Variants in GALNT8 observed in about 807,000 individuals in gnomAD.
GALNT8 encodes the protein polypeptide N-acetylgalactosaminyltransferase 8, also known as probable polypeptide N-acetylgalactosaminyltransferase 8.
Under a neutral mutation model 62.7 loss-of-function variants are expected in GALNT8, and 66 were observed. That is an observed-to-expected ratio of 1.05 (90% confidence interval 0.86 to 1.29). The LOEUF is 1.29. Among genes scored for constraint, GALNT8 ranks in the 50% most tolerant of loss-of-function variants. The pLI is 0.00. For missense variants in GALNT8, 771 were observed against 791.8 expected (o/e 0.97, Z 0.32); for synonymous variants, 288 against 294.3 (o/e 0.98, Z 0.22).
intron 6 of GALNT8, 53 bp downstream of exon 6, chr12:4,746,311 A>G: frequency 2.0e-6 from 2 of 997,476 alleles, no homozygotes; most frequent in Non-Finnish European, 3.2e-6. Context: ...GGAATAATAG[A>G]AAGGTAGTAG....
chr12:4,764,436 C>T (rs939677150), intron 9 of GALNT8, among the ~76,000 whole-genome samples: 1 of 150,950 alleles, frequency 6.6e-6, no homozygotes, highest in African/African-American at 2.4e-5. Flanking sequence ...TCTCCTATAG[C>T]GAAGGAAGCA....
intron 2 of GALNT8, among the ~76,000 whole-genome samples, chr12:4,727,577 G>C (rs1946202128): frequency 6.6e-6 from 1 of 152,000 alleles, no homozygotes; most frequent in African/African-American, 2.4e-5. Context: ...GGATTTGTCT[G>C]TTCCGGACCT....
At chr12:4,758,431 A>G (rs1277366748) in intron 6 of GALNT8, among the ~76,000 whole-genome samples, 1 of 152,152 alleles carries the variant, frequency 6.6e-6, no homozygotes, top group African/African-American at 2.4e-5. Flanking sequence ...ACTGTGCCAG[A>G]ACTGAACATG....
rs571678250 is a variant in GALNT8, at chr12:4,741,682, A to C, written c.676+2353A>C. ...TTTTTTCCTGTGGAACAATGCAATA[A>C]AAAAATACAAGATTACAAACACGGG... On this transcript the variant is annotated intron_variant, in intron 3 of 10. Coordinates refer to ENST00000252318, the MANE Select transcript of GALNT8 (RefSeq NM_017417.2). Among the ~76,000 whole-genome samples, 5 of 152,336 alleles carry C rather than the reference A, an allele frequency of 3.3e-5. No homozygotes were observed. In the South Asian group the frequency reaches 1.0e-3, roughly 32 times the overall value.
intron 6 of GALNT8, among the ~76,000 whole-genome samples, chr12:4,759,481 G>A (rs1352898959): frequency 1.3e-5 from 2 of 149,468 alleles, no homozygotes; most frequent in East Asian, 4.0e-4. Flanking sequence ...CACTCTAGCT[G>A]CCAGGTGTGC....
At chr12:4,729,898 A>G (rs1452181958) in intron 2 of GALNT8, among the ~76,000 whole-genome samples, 1 of 151,956 alleles carries the variant, frequency 6.6e-6, no homozygotes, top group African/African-American at 2.4e-5. Context: ...GTTATCTTTT[A>G]TTTTTTGATA....
At chr12:4,739,531 G>A (rs921200601) in intron 3 of GALNT8, among the ~76,000 whole-genome samples, 1 of 152,130 alleles carries the variant, frequency 6.6e-6, no homozygotes, top group Non-Finnish European at 1.5e-5. Flanking sequence ...TCTCTACATG[G>A]ATGAGGAAAC....
chr12:4,747,545 C>T (rs546926985), intron 6 of GALNT8, among the ~76,000 whole-genome samples: 41 of 152,158 alleles, frequency 2.7e-4, no homozygotes, highest in East Asian at 5.8e-4. Context: ...TTGCAAGTGA[C>T]GGCCTCATTC....
chr12:4,744,532 A>C lies in GALNT8; in HGVS notation c.692A>C (p.His231Pro). Residue 231 changes from histidine to proline, a missense_variant, in exon 4 of 11, where the codon CAC becomes CCC. Physicochemically the swap from His to Pro is moderately conservative, Grantham distance 77. Coordinates refer to ENST00000252318, the MANE Select transcript of GALNT8 (RefSeq NM_017417.2). Reference protein sequence around the residue: ...DFSSNGELKVHLDEKIKLYNQ... With the variant: ...DFSSNGELKVPLDEKIKLYNQ... The stretch of plus-strand genomic sequence containing the variant: ...TGATTGACAGGAGAACTAAAGGTAC[A>C]CTTGGATGAGAAGATTAAGCTTTAC... 1 of 1,609,548 alleles carries C rather than the reference A, an allele frequency of 6.2e-7. No individual in the cohort carries two copies. The highest frequency in any genetic ancestry group is 8.5e-7 in the Non-Finnish European group (1 of 1,177,370).
intron 2 of GALNT8, among the ~76,000 whole-genome samples, chr12:4,728,461 A>ACAC (rs1946206206): frequency 3.3e-5 from 5 of 152,108 alleles, no homozygotes; most frequent in African/African-American, 9.7e-5. Context: ...GCAAAGGTTT[A>ACAC]CACCCATGTT....
At chr12:4,758,454 C>T (rs7132030) in intron 6 of GALNT8, among the ~76,000 whole-genome samples, 58,620 of 151,912 alleles carry the variant, frequency 0.39, 11,566 homozygotes, top group Admixed American at 0.44. Context: ...ACTTCCTGGG[C>T]TCACAATGCA....
At chr12:4,740,164 C>T (rs1450845954) in intron 3 of GALNT8, among the ~76,000 whole-genome samples, 1 of 152,150 alleles carries the variant, frequency 6.6e-6, no homozygotes, top group East Asian at 1.9e-4. Flanking sequence ...CCACAGGGTG[C>T]CCGTGCCCCG....
At chr12:4,737,869 C>T (rs1295555762) in intron 2 of GALNT8, among the ~76,000 whole-genome samples, 1 of 152,138 alleles carries the variant, frequency 6.6e-6, no homozygotes, top group Non-Finnish European at 1.5e-5. Context: ...GCATGAAGCC[C>T]CTCACCAGAG....
intron 10 of GALNT8, among the ~76,000 whole-genome samples, chr12:4,767,960 C>T (rs539731601): frequency 1.3e-5 from 2 of 152,216 alleles, no homozygotes; most frequent in African/African-American, 4.8e-5. Flanking sequence ...ATAAGCCTAA[C>T]AAGTTTTGAC....
intron 1 of GALNT8, among the ~76,000 whole-genome samples, chr12:4,725,622 C>T (rs1228086857): frequency 7.2e-6 from 1 of 139,002 alleles, no homozygotes; most frequent in Non-Finnish European, 1.5e-5. Context: ...GTGGCACAAT[C>T]TCGGCTCACT....
chr12:4,772,438 C>T lies in GALNT8; in HGVS notation c.1762-7C>T. The T allele has an allele frequency of 5.0e-6, 8 of 1,612,816 alleles. No homozygotes were observed. Among genetic ancestry groups the T allele is most frequent in the Non-Finnish European group, 5.9e-6 (7 of 1,179,478 alleles). On this transcript the variant is annotated splice_region_variant and splice_polypyrimidine_tract_variant and intron_variant, in intron 10 of 10. Transcript: ENST00000252318. ...AGCACCTTGGCTCTGTCTCTCTTCC[C>T]CTCCAGGGAGGAGCTGTCATAAACA...
At position 4,749,709 on chromosome 12, in the gene GALNT8, A is replaced by C. The variant is rs537512085; in HGVS notation, c.1173+3451A>C. 6.6e-6 allele frequency among the ~76,000 whole-genome samples: 1 copy of C among 151,060 alleles called. No homozygotes were observed. The highest frequency in any genetic ancestry group is 1.5e-5 in the Non-Finnish European group (1 of 67,744). ...TGAGTTTGGAAATGTTCCCTCCTGT[A>C]TTTTTTGGAAAAATTTAAGTAGGAT... On this transcript the variant is annotated intron_variant, in intron 6 of 10. Coordinates refer to ENST00000252318, the MANE Select transcript of GALNT8 (RefSeq NM_017417.2). This position sits in a 1 kb window ranked among gnomAD's most constrained non-coding sequence, Gnocchi z 4.1.
intron 1 of GALNT8, among the ~76,000 whole-genome samples, chr12:4,724,876 G>T (rs1338880406): frequency 2.0e-5 from 3 of 152,152 alleles, no homozygotes; most frequent in Non-Finnish European, 4.4e-5. Context: ...GCTGTATATG[G>T]ATCTGAAATC....
chr12:4,730,973 C>T (rs1419541555), intron 2 of GALNT8, among the ~76,000 whole-genome samples: 2 of 151,478 alleles, frequency 1.3e-5, no homozygotes, highest in South Asian at 2.1e-4. Context: ...TCAGCCTCTC[C>T]GAGTAGCTGG....
Sources: allele counts gnomAD v4.1 joint callset (sites outside exome capture counted in the v4.1 genomes callset), GRCh38; gene constraint gnomAD v4.1.1; non-coding constraint Gnocchi (gnomAD v3.1); transcripts MANE v1.5; gene names NCBI Gene and HGNC (gene_info 2026-07-23, HGNC 2026-07-21).